PAQR8: variants seen among roughly 807,000 people sequenced by gnomAD.
PAQR8 encodes the protein membrane progestin receptor beta.
PAQR8 carries 17 observed loss-of-function variants against 25.2 expected under a neutral mutation model. The observed-to-expected ratio is 0.67, with a 90% confidence interval of 0.46 to 1.01. The LOEUF (loss-of-function observed/expected upper bound fraction) is 1.01, where lower values mean the gene tolerates loss of function less well. PAQR8 is among the 50% of genes least tolerant of loss of function. The pLI is 0.00. For synonymous variants in PAQR8, 204 were observed against 190.6 expected (o/e 1.07, Z -0.58); for missense variants, 392 against 448.4 (o/e 0.87, Z 1.14).
intron 1 of PAQR8, among the ~76,000 whole-genome samples, chr6:52,375,843 T>C (rs2113937470): frequency 6.6e-6 from 1 of 152,296 alleles, no homozygotes; most frequent in Admixed American, 6.5e-5. Flanking sequence ...TAAACACTGA[T>C]GGTTCATGGA....
At chr6:52,401,269 C>T (rs1581798432) in intron 1 of PAQR8, among the ~76,000 whole-genome samples, 1 of 152,162 alleles carries the variant, frequency 6.6e-6, no homozygotes, top group East Asian at 1.9e-4. Flanking sequence ...ACAGTACTTG[C>T]TGTATGTGCT....
chr6:52,379,515 G>A (rs1226198174), intron 1 of PAQR8, among the ~76,000 whole-genome samples: 1 of 151,956 alleles, frequency 6.6e-6, no homozygotes, highest in East Asian at 1.9e-4. Context: ...GCAGTGTCGC[G>A]ATCTCGACTC....
At chr6:52,402,632 A>AG (rs1554256638) in intron 1 of PAQR8, among the ~76,000 whole-genome samples, 4 of 115,330 alleles carry the variant, frequency 3.5e-5, no homozygotes, top group East Asian at 4.2e-4. Flanking sequence ...AAAAAAAAAA[A>AG]AAAGAAAGAA....
intron 1 of PAQR8, among the ~76,000 whole-genome samples, chr6:52,385,251 T>C (rs1185733251): frequency 6.6e-6 from 1 of 152,176 alleles, no homozygotes; most frequent in Non-Finnish European, 1.5e-5. Context: ...CCCCTCTCAT[T>C]CTCTCTCTAC....
intron 1 of PAQR8, among the ~76,000 whole-genome samples, chr6:52,401,698 T>C (rs144886482): frequency 1.3e-5 from 2 of 152,356 alleles, no homozygotes; most frequent in East Asian, 3.9e-4. Context: ...CATTGTTCTT[T>C]ACCAACCTAA....
rs1763882090 is a variant in PAQR8 at position 52,404,285 on chromosome 6, C to G, written c.*7C>G. ...GACCAAGAAAGATTCCTGAGGCTGG[C>G]AAGTGGGGCAACGTGTGGAGGAAGC... On this transcript the variant is annotated 3_prime_UTR_variant, in exon 2 of 2. Transcript: ENST00000442253. 1 of 1,573,656 alleles carries G rather than the reference C, an allele frequency of 6.4e-7. No homozygotes were observed. The highest frequency in any genetic ancestry group is 8.7e-7 in the Non-Finnish European group (1 of 1,152,278).
At position 52,371,321 on chromosome 6, in the gene PAQR8, A is replaced by G. The variant is rs1307311079; in HGVS notation, c.-53+9072A>G. On this transcript the variant is annotated intron_variant, in intron 1 of 1. Coordinates refer to ENST00000442253, the MANE Select transcript of PAQR8 (RefSeq NM_133367.5). ...TGTCCAGTGACCCTCTCAACAATAT[A>G]TGTACAGTGGACATTCAGCAAGTAT... 5.3e-5 allele frequency among the ~76,000 whole-genome samples: 8 copies of G among 152,162 alleles called. No homozygotes were observed. The South Asian group carries it at 8.3e-4, about 16-fold the overall frequency.
chr6:52,399,191 T>C (rs1023188219), intron 1 of PAQR8, among the ~76,000 whole-genome samples: 5 of 152,248 alleles, frequency 3.3e-5, no homozygotes, highest in Non-Finnish European at 7.3e-5. Context: ...CTTCCTAGTT[T>C]ATTTTCTGAA....
chr6:52,375,701 A>G (rs745527077), intron 1 of PAQR8, among the ~76,000 whole-genome samples: 4 of 151,674 alleles, frequency 2.6e-5, no homozygotes, highest in Non-Finnish European at 5.9e-5. Context: ...TTATTTATTT[A>G]TTCTTTTGTA....
chr6:52,365,389 G>A (rs1464519704), intron 1 of PAQR8, among the ~76,000 whole-genome samples: 3 of 151,994 alleles, frequency 2.0e-5, no homozygotes, highest in East Asian at 3.8e-4. Context: ...TCTAGCTGTG[G>A]TTTGGGGCAA....
intron 1 of PAQR8, among the ~76,000 whole-genome samples, chr6:52,383,674 A>AC (rs1562430458): frequency 1.3e-5 from 2 of 151,936 alleles, no homozygotes; most frequent in East Asian, 3.9e-4. Context: ...AAAAAAAAAA[A>AC]AAACCAGGAA....
At chr6:52,371,181 G>T (rs1167798689) in intron 1 of PAQR8, among the ~76,000 whole-genome samples, 5 of 151,950 alleles carry the variant, frequency 3.3e-5, no homozygotes, top group Non-Finnish European at 5.9e-5. Flanking sequence ...CCAGTTTTAG[G>T]TAAGGGTAAG....
chr6:52,366,135 C>T (rs1446141216), intron 1 of PAQR8, among the ~76,000 whole-genome samples: 2 of 151,946 alleles, frequency 1.3e-5, no homozygotes, highest in South Asian at 2.1e-4. Context: ...AATGTCAACA[C>T]TAGTTTTTTT....
rs1223236375 is a variant in PAQR8, at chr6:52,392,283, A to G, written c.-52-10879A>G. 2.0e-5 allele frequency among the ~76,000 whole-genome samples: 3 copies of G among 151,970 alleles called. No homozygotes were observed. In the East Asian group the frequency reaches 5.8e-4, roughly 29 times the overall value. ...TGCTTGAACCCAGGAGGCGGAGGTT[A>G]CAATGAGGCAAGATCGCGCCACTGC... On this transcript the variant is annotated intron_variant, in intron 1 of 1. Coordinates refer to ENST00000442253, the MANE Select transcript of PAQR8 (RefSeq NM_133367.5).
rs1274850821 is a variant in PAQR8 at position 52,404,134 on chromosome 6, G to T, written c.921G>T (p.Arg307=). The T allele has an allele frequency of 6.2e-7, 1 of 1,614,094 alleles. No individual in the cohort carries two copies. Among genetic ancestry groups the T allele is most frequent in the Non-Finnish European group, 8.5e-7 (1 of 1,180,042 alleles). Reference sequence around the variant, plus strand: ...CCATCCTCCTGGACTACCAGGGGCGGCAGGAGATCTTCCTGCAGCGCCATG... The same window carrying T: ...CCATCCTCCTGGACTACCAGGGGCGTCAGGAGATCTTCCTGCAGCGCCATG... ...LEAILLDYQG[R]QEIFLQRHGP... Residue 307 remains arginine, a synonymous_variant, in exon 2 of 2, where the codon CGG becomes CGT. Transcript: ENST00000442253.
chr6:52,397,986 G>C (rs916093564), intron 1 of PAQR8, among the ~76,000 whole-genome samples: 9 of 152,148 alleles, frequency 5.9e-5, no homozygotes, highest in African/African-American at 2.2e-4. Flanking sequence ...TGAGGCCTAA[G>C]AGGGAGGGGG....
At chr6:52,378,655 G>A (rs1171469831) in intron 1 of PAQR8, among the ~76,000 whole-genome samples, 2 of 152,110 alleles carry the variant, frequency 1.3e-5, no homozygotes, top group Non-Finnish European at 2.9e-5. Context: ...GCTGGGCGTG[G>A]TGGTGTATGC....
intron 1 of PAQR8, among the ~76,000 whole-genome samples, chr6:52,386,196 A>T (rs1028209237): frequency 6.6e-6 from 1 of 151,922 alleles, no homozygotes; most frequent in African/African-American, 2.4e-5. Context: ...AAAAAAAATA[A>T]CAGGTGTTGG....
intron 1 of PAQR8, among the ~76,000 whole-genome samples, chr6:52,400,865 T>G (rs1763822223): frequency 6.6e-6 from 1 of 152,208 alleles, no homozygotes; most frequent in Admixed American, 6.5e-5. Flanking sequence ...TTACCAGTCT[T>G]TGTATCCCTA....
Sources: allele counts gnomAD v4.1 joint callset (sites outside exome capture counted in the v4.1 genomes callset), GRCh38; gene constraint gnomAD v4.1.1; transcripts MANE v1.5; gene names NCBI Gene and HGNC (gene_info 2026-07-23, HGNC 2026-07-21).